The following CADM2 variants were observed in gnomAD, a reference collection of about 807,000 sequenced individuals.
CADM2 encodes the protein immunoglobulin superfamily member 4D.
CADM2 carries 12 observed loss-of-function variants against 49.8 expected under a neutral mutation model. The observed-to-expected ratio is 0.24, with a 90% confidence interval of 0.15 to 0.39. The LOEUF (loss-of-function observed/expected upper bound fraction) is 0.39, where lower values mean the gene tolerates loss of function less well. Ranked by LOEUF, CADM2 falls within the 10% of genes least tolerant of loss-of-function variation. The pLI, the probability that CADM2 is intolerant of heterozygous loss-of-function variation, is 1.00. For synonymous variants in CADM2, 214 were observed against 175.4 expected (o/e 1.22, Z -1.74); for missense variants, 378 against 492.3 (o/e 0.77, Z 2.20).
intron 8 of CADM2, among the ~76,000 whole-genome samples, chr3:85,969,776 A>G (rs2108637545): frequency 6.6e-6 from 1 of 151,372 alleles, no homozygotes; most frequent in South Asian, 2.1e-4. Context: ...AGGGTCTTCT[A>G]AATAGTAGGT....
chr3:85,585,223 T>C, intron 1 of CADM2, among the ~76,000 whole-genome samples: 1 of 151,938 alleles, frequency 6.6e-6, no homozygotes, highest in Non-Finnish European at 1.5e-5. Flanking sequence ...TCAGATCAAC[T>C]GTGGCAGTAT....
In CADM2 at chr3:85,252,647, C is replaced by T. The variant is rs144026065; in HGVS notation, c.61+292979C>T. 3.6e-3 allele frequency among the ~76,000 whole-genome samples: 551 copies of T among 152,074 alleles called. 1 individual carries two copies. The highest frequency in any genetic ancestry group is 0.013 in the African/African-American group (526 of 41,538). On this transcript the variant is annotated intron_variant, in intron 1 of 9. Coordinates refer to ENST00000383699, the MANE Select transcript of CADM2 (RefSeq NM_001167675.2). ...ACTGAGGTAGTGTTATTATTATTCTCATCTTTCAGTTAGGGAGCAATGAAA... is the reference window on the plus strand; with the variant it reads ...ACTGAGGTAGTGTTATTATTATTCTTATCTTTCAGTTAGGGAGCAATGAAA...
At chr3:85,552,799 T>C (rs9853314) in intron 1 of CADM2, among the ~76,000 whole-genome samples, 132,509 of 151,914 alleles carry the variant, frequency 0.87, 57,943 homozygotes, top group East Asian at 0.95. Flanking sequence ...TCCTCAGCCT[T>C]CCAAGTAGCT....
chr3:85,655,847 T>C (rs1479797292), intron 1 of CADM2, among the ~76,000 whole-genome samples: 1 of 152,194 alleles, frequency 6.6e-6, no homozygotes, highest in African/African-American at 2.4e-5. Context: ...CAATAGCACA[T>C]ATGTCCAACA....
chr3:85,764,539 C>A (rs972114378), intron 2 of CADM2, among the ~76,000 whole-genome samples: 1 of 152,020 alleles, frequency 6.6e-6, no homozygotes, highest in Non-Finnish European at 1.5e-5. Flanking sequence ...AAGTCTTTAG[C>A]ACCAAGGAGT....
At chr3:85,360,487 G>A (rs948671620) in intron 1 of CADM2, among the ~76,000 whole-genome samples, 3 of 152,068 alleles carry the variant, frequency 2.0e-5, no homozygotes, top group Non-Finnish European at 4.4e-5. Context: ...TCTAATTGCT[G>A]GTTGGTCATT....
chr3:85,603,630 A>T (rs1027535244), intron 1 of CADM2, among the ~76,000 whole-genome samples: 6 of 151,892 alleles, frequency 4.0e-5, no homozygotes, highest in African/African-American at 1.4e-4. Flanking sequence ...CCTGTCTCCC[A>T]GGCAGATCAA....
intron 1 of CADM2, among the ~76,000 whole-genome samples, chr3:85,515,591 G>A (rs1011648917): frequency 3.5e-5 from 5 of 141,884 alleles, no homozygotes; most frequent in African/African-American, 1.4e-4. Context: ...CCCTACAGGA[G>A]AGTGCCACCA....
intron 1 of CADM2, among the ~76,000 whole-genome samples, chr3:85,361,420 A>G (rs939760520): frequency 1.3e-5 from 2 of 152,156 alleles, no homozygotes; most frequent in Admixed American, 6.5e-5. Context: ...GCCTTAGCCT[A>G]ATGGTCTCCA....
At chr3:85,996,245 G>T (rs1294917938) in intron 8 of CADM2, among the ~76,000 whole-genome samples, 1 of 149,404 alleles carries the variant, frequency 6.7e-6, no homozygotes, top group Non-Finnish European at 1.5e-5. Flanking sequence ...ACTTATTAAA[G>T]CCTGAAAGGC....
chr3:85,491,818 G>A (rs2039686852), intron 1 of CADM2, among the ~76,000 whole-genome samples: 1 of 152,174 alleles, frequency 6.6e-6, no homozygotes, highest in East Asian at 1.9e-4. Flanking sequence ...CGGGTGTGGT[G>A]GCAGGTGCCT....
chr3:85,816,942 C>A (rs1283901506), intron 3 of CADM2, among the ~76,000 whole-genome samples: 1 of 152,082 alleles, frequency 6.6e-6, no homozygotes, highest in Admixed American at 6.6e-5. Flanking sequence ...ACTATTCATA[C>A]AAAATAATAC....
At chr3:84,972,622 C>A (rs1164918580) in intron 1 of CADM2, among the ~76,000 whole-genome samples, 4 of 152,074 alleles carry the variant, frequency 2.6e-5, no homozygotes, top group Admixed American at 2.6e-4. Context: ...TAAGGTTTTT[C>A]AATTTTGAGT....
chr3:85,942,581 G>C (rs539673299), intron 7 of CADM2, among the ~76,000 whole-genome samples: 1 of 149,746 alleles, frequency 6.7e-6, no homozygotes, highest in Admixed American at 6.7e-5. Context: ...GAGAATATGC[G>C]GTGTATGTTT....
chr3:84,999,560 A>T (rs961376585), intron 1 of CADM2, among the ~76,000 whole-genome samples: 2 of 152,162 alleles, frequency 1.3e-5, no homozygotes, highest in African/African-American at 2.4e-5. Flanking sequence ...AGCACAAAAA[A>T]TGAGAAAAAT....
At chr3:85,153,827 A>G (rs2040012447) in intron 1 of CADM2, among the ~76,000 whole-genome samples, 1 of 152,222 alleles carries the variant, frequency 6.6e-6, no homozygotes, top group South Asian at 2.1e-4. Flanking sequence ...CAGCAGGGGC[A>G]GACTGACACC....
chr3:85,892,400 C>T (rs1362369018), intron 5 of CADM2, among the ~76,000 whole-genome samples: 1 of 152,120 alleles, frequency 6.6e-6, no homozygotes, highest in Non-Finnish European at 1.5e-5. Context: ...GGCTATGTCC[C>T]CACCCAAATC....
chr3:85,802,221 T>C, intron 3 of CADM2, 25 bp downstream of exon 3: 1 of 1,580,144 alleles, frequency 6.3e-7, no homozygotes, highest in South Asian at 1.2e-5. Flanking sequence ...TTTCAAATGT[T>C]TTAATCGTAT....
At chr3:85,998,697 G>A (rs1252025060) in intron 8 of CADM2, among the ~76,000 whole-genome samples, 4 of 151,954 alleles carry the variant, frequency 2.6e-5, no homozygotes, top group African/African-American at 2.4e-5. Context: ...ATGATAAAAC[G>A]GTACTTAGGC....
Sources: gnomAD v4.1 joint callset for allele counts (sites outside exome capture counted in the v4.1 genomes callset) on GRCh38, gnomAD v4.1.1 for gene constraint, MANE v1.5 for transcripts, NCBI Gene and HGNC (gene_info 2026-07-23, HGNC 2026-07-21) for gene names.